CCDC38: variants seen among roughly 807,000 people sequenced by gnomAD.
The protein encoded by CCDC38 is coiled-coil domain containing 38.
A neutral mutation model predicts 72.8 loss-of-function variants in CCDC38; 69 were observed. That is an observed-to-expected ratio of 0.95 (90% CI 0.78 to 1.16). The LOEUF is 1.16. Ranked by LOEUF, CCDC38 falls within the 50% of genes most tolerant of loss-of-function variation. The pLI is 0.00. For missense variants in CCDC38, 626 were observed against 638.9 expected, an observed-to-expected ratio of 0.98 and a Z score of 0.22; for synonymous variants, 201 against 213.2, an observed-to-expected ratio of 0.94 and a Z score of 0.50.
chr12:95,871,265 C>T (rs2079577817), intron 14 of CCDC38, among the ~76,000 whole-genome samples: 2 of 151,970 alleles, frequency 1.3e-5, no homozygotes, highest in Admixed American at 1.3e-4. Flanking sequence ...GGAGAAAAGC[C>T]CCAACAATAA....
At chr12:95,901,301 AT>A in intron 5 of CCDC38, among the ~76,000 whole-genome samples, 1 of 152,186 alleles carries the variant, frequency 6.6e-6, no homozygotes, top group Non-Finnish European at 1.5e-5. Flanking sequence ...GGACTATGGT[AT>A]GAGATACAGA....
intron 10 of CCDC38, chr12:95,885,112 G>A (rs2079744405): frequency 6.6e-6 from 1 of 152,368 alleles, no homozygotes; most frequent in Non-Finnish European, 1.5e-5. Context: ...CTGACCTCGA[G>A]ACTAATAGCT....
chr12:95,893,428 TCCCTCCCTCCCTC>T (rs2079851486), intron 8 of CCDC38, among the ~76,000 whole-genome samples: 2 of 49,652 alleles, frequency 4.0e-5, no homozygotes, highest in Non-Finnish European at 7.3e-5. Flanking sequence ...CCTCCCTCCC[TCCCTCCCTCCCTC>T]CCTTCCTTCC....
At chr12:95,876,638 C>T (rs12320561) in intron 13 of CCDC38, among the ~76,000 whole-genome samples, 1,785 of 152,178 alleles carry the variant, frequency 0.012, 35 homozygotes, top group African/African-American at 0.041. Context: ...CTCTTGGCCC[C>T]GGCAATGCAC....
At chr12:95,881,196 G>A (rs890213509) in intron 11 of CCDC38, among the ~76,000 whole-genome samples, 11 of 150,818 alleles carry the variant, frequency 7.3e-5, no homozygotes, top group Admixed American at 2.0e-4. Flanking sequence ...AATGCAATCA[G>A]CAAGTGGCTA....
Position 95,936,488 on chromosome 12 carries a change from T to C in CCDC38, c.22A>G (p.Thr8Ala), listed in dbSNP as rs1268733443. 1 of 1,612,880 alleles carries C rather than the reference T, an allele frequency of 6.2e-7. No homozygotes were observed. Among genetic ancestry groups the C allele is most frequent in the South Asian group, 1.1e-5 (1 of 90,904 alleles). The stretch of plus-strand genomic sequence containing the variant: ...TTCTTTTTACCTCCAGAATTCAGTG[T>C]TGGCAATAAATTTGAGGACATTTTC... Reference protein sequence around the residue: MSSNLLPTLNSGGKVKDG... With the variant: MSSNLLPALNSGGKVKDG... The change falls in exon 2 of 16, where the codon ACA becomes GCA. Residue 8 changes from threonine (T) to alanine (A), a missense_variant. Transcript: ENST00000344280.
chr12:95,870,313 G>C (rs985761987), intron 14 of CCDC38, among the ~76,000 whole-genome samples: 22 of 152,084 alleles, frequency 1.4e-4, no homozygotes, highest in African/African-American at 4.8e-4. Context: ...TCTCTTTAGG[G>C]TTGTTTTGAG....
chr12:95,888,749 C>T (rs2079788236), intron 9 of CCDC38, among the ~76,000 whole-genome samples: 1 of 152,074 alleles, frequency 6.6e-6, no homozygotes, highest in African/African-American at 2.4e-5. Flanking sequence ...ATGAAAGGCA[C>T]AGACTCTTCT....
Position 95,890,891 on chromosome 12 carries a change from T to G in CCDC38, c.812A>C (p.Glu271Ala), listed in dbSNP as rs1424851283. ...LHSSNKEGIL[E>A]ESGRTAVLSE... ...AAGGACAGCTGTCCTCCCGGACTCC[T>G]CAAGGATGCCTTCCTTGTTACTTGA... Residue 271 changes from glutamate to alanine, a missense_variant, in exon 9 of 16, where the codon GAG becomes GCG. By Grantham distance (107) the Glu-to-Ala change is moderately radical. Coordinates refer to ENST00000344280, the MANE Select transcript of CCDC38 (RefSeq NM_182496.3). 1.2e-6 allele frequency: 2 copies of G among 1,606,518 alleles called. No homozygotes were observed. The highest frequency in any genetic ancestry group is 3.3e-5 in the Admixed American group (2 of 59,724).
Position 95,936,542 on chromosome 12 carries a change from A to G in CCDC38, c.-14-19T>C. Reference sequence around the variant, plus strand: ...CCTGGCCCTGTTGAAAGAAAAAAAAATACGTTTTTTAAAAATTCTATGAAC... The same window carrying G: ...CCTGGCCCTGTTGAAAGAAAAAAAAGTACGTTTTTTAAAAATTCTATGAAC... On this transcript the variant is annotated intron_variant, in intron 1 of 15. Coordinates refer to ENST00000344280, the MANE Select transcript of CCDC38 (RefSeq NM_182496.3). 1 of 1,486,448 alleles carries G rather than the reference A, an allele frequency of 6.7e-7. No individual in the cohort carries two copies. The highest frequency in any genetic ancestry group is 9.3e-7 in the Non-Finnish European group (1 of 1,073,476). The allele number at this position is 1,486,448 out of a possible 1,614,324, so 92.1% of individuals were successfully genotyped here. A position where few individuals can be genotyped will look rare whatever the true frequency, so the allele number is the denominator to read the frequency against.
intron 2 of CCDC38, among the ~76,000 whole-genome samples, chr12:95,919,916 A>G (rs1592795003): frequency 6.6e-6 from 1 of 152,234 alleles, no homozygotes; most frequent in East Asian, 1.9e-4. Context: ...CACTTTGGAA[A>G]ACAATCTGGC....
chr12:95,923,046 A>G (rs955470882), intron 2 of CCDC38, among the ~76,000 whole-genome samples: 6 of 152,070 alleles, frequency 3.9e-5, no homozygotes, highest in African/African-American at 7.2e-5. Context: ...CTGAGTAGAA[A>G]AGGCTGAGGA....
At chr12:95,894,105 G>A (rs980371585) in intron 8 of CCDC38, among the ~76,000 whole-genome samples, 1 of 152,248 alleles carries the variant, frequency 6.6e-6, no homozygotes, top group Non-Finnish European at 1.5e-5. Flanking sequence ...TGTAGTCCCA[G>A]CTACTCAGGA....
At chr12:95,898,181 C>T (rs2079910963) in intron 7 of CCDC38, among the ~76,000 whole-genome samples, 1 of 152,198 alleles carries the variant, frequency 6.6e-6, no homozygotes, top group Non-Finnish European at 1.5e-5. Context: ...GTTAGAGAGA[C>T]TTTCCAACCG....
intron 11 of CCDC38, among the ~76,000 whole-genome samples, chr12:95,880,977 GTTTA>G (rs539673015): frequency 1.7e-3 from 266 of 152,130 alleles, no homozygotes; most frequent in Middle Eastern, 3.4e-3. Context: ...TTTTTTACAT[GTTTA>G]TTTGTCACAA....
At chr12:95,929,403 C>T (rs948279884) in intron 2 of CCDC38, among the ~76,000 whole-genome samples, 1 of 152,200 alleles carries the variant, frequency 6.6e-6, no homozygotes, top group Non-Finnish European at 1.5e-5. Flanking sequence ...TCGGCTCATG[C>T]ACTGTGCATG....
At chr12:95,935,795 G>A (rs1375586526) in intron 2 of CCDC38, among the ~76,000 whole-genome samples, 1 of 152,148 alleles carries the variant, frequency 6.6e-6, no homozygotes, top group Non-Finnish European at 1.5e-5. Flanking sequence ...TAAGCAGAAG[G>A]AGGCTGGGCA....
intron 4 of CCDC38, among the ~76,000 whole-genome samples, chr12:95,912,814 C>T (rs939086644): frequency 2.0e-5 from 3 of 152,088 alleles, no homozygotes; most frequent in African/African-American, 7.2e-5. Context: ...AATCCCAACA[C>T]TTTGGGAGGC....
rs1375751799 is a variant in CCDC38 at position 95,907,863 on chromosome 12, C to T, written c.305-1412G>A. Among the ~76,000 whole-genome samples, 207 of 150,926 alleles carry T rather than the reference C, an allele frequency of 1.4e-3. 2 individuals are homozygous for T. The highest frequency in any genetic ancestry group is 4.9e-3 in the African/African-American group (201 of 40,906). On this transcript the variant is annotated intron_variant, in intron 4 of 15. Coordinates refer to ENST00000344280, the MANE Select transcript of CCDC38 (RefSeq NM_182496.3). ...CGATGGGTGGCCGGGCAGAGACGCT[C>T]CTCACTTCCTAGATGGGATGGCGGC... is the stretch of plus-strand genomic sequence containing the variant.
Sources: gnomAD v4.1 joint callset for allele counts (sites outside exome capture counted in the v4.1 genomes callset) on GRCh38, gnomAD v4.1.1 for gene constraint, MANE v1.5 for transcripts, NCBI Gene and HGNC (gene_info 2026-07-23, HGNC 2026-07-21) for gene names.